CUL3: variants seen among roughly 807,000 people sequenced by gnomAD.
CUL3 encodes cullin-3.
CUL3 carries 19 observed loss-of-function variants against 89.1 expected under a neutral mutation model. The observed-to-expected ratio is 0.21, with a 90% CI of 0.15 to 0.31. The LOEUF is 0.31. Ranked by LOEUF, CUL3 falls within the 10% of genes least tolerant of loss-of-function variation. The pLI is 1.00. For synonymous variants in CUL3, 351 were observed against 308.4 expected (o/e 1.14, Z -1.45); for missense variants, 469 against 942.3 (o/e 0.50, Z 6.58).
chr2:224,541,594 T>C (rs112037898), intron 2 of CUL3, among the ~76,000 whole-genome samples: 100 of 152,264 alleles, frequency 6.6e-4, no homozygotes, highest in African/African-American at 2.4e-3. Context: ...AAAACTTACA[T>C]TCACACAAAA....
At chr2:224,567,753 C>A (rs72974238) in intron 1 of CUL3, among the ~76,000 whole-genome samples, 40,950 of 150,606 alleles carry the variant, frequency 0.27, 6,105 homozygotes, top group Middle Eastern at 0.39. Flanking sequence ...AAAAAAAAAA[C>A]CTTTCACCTA....
At position 224,576,687 on chromosome 2, in the gene CUL3, A is replaced by AG. The variant is rs55945819; in HGVS notation, c.66+8256dup. On this transcript the variant is annotated intron_variant, in intron 1 of 15. Coordinates refer to ENST00000264414, the MANE Select transcript of CUL3 (RefSeq NM_003590.5). ...TAACCTAGTTCAGGAGTGAAAAAAA[A>AG]GGGGGGGGGGGGAGGAGAAGGAGGA... Among the ~76,000 whole-genome samples, 738 of 121,698 alleles carry AG rather than the reference A, an allele frequency of 6.1e-3. 8 individuals are homozygous for AG. The highest frequency in any genetic ancestry group is 8.4e-3 in the South Asian group (31 of 3,676). 79.8% of individuals were successfully genotyped at this position (121,698 alleles called of 152,430 possible).
At chr2:224,583,538 T>TCAA in intron 1 of CUL3, among the ~76,000 whole-genome samples, 1 of 152,350 alleles carries the variant, frequency 6.6e-6, no homozygotes. Flanking sequence ...TACTCGCTTG[T>TCAA]CAACATTTCT....
intron 13 of CUL3, among the ~76,000 whole-genome samples, chr2:224,484,568 T>C (rs2106157134): frequency 1.3e-5 from 2 of 152,342 alleles, no homozygotes; most frequent in East Asian, 1.9e-4. Context: ...AGATGTGTTA[T>C]CACTTATGTG....
At chr2:224,484,004 A>G (rs1205528562) in intron 13 of CUL3, among the ~76,000 whole-genome samples, 1 of 152,198 alleles carries the variant, frequency 6.6e-6, no homozygotes, top group African/African-American at 2.4e-5. Flanking sequence ...AGCCTGGTCA[A>G]CATAGCAAGA....
intron 5 of CUL3, 83 bp downstream of exon 5, chr2:224,513,441 G>T: frequency 1.0e-6 from 1 of 990,736 alleles, no homozygotes; most frequent in Non-Finnish European, 1.5e-6. Context: ...GTTAAAAAAG[G>T]TCAAAATAGT....
At chr2:224,528,681 A>G (rs1356847325) in intron 3 of CUL3, among the ~76,000 whole-genome samples, 1 of 152,056 alleles carries the variant, frequency 6.6e-6, no homozygotes, top group African/African-American at 2.4e-5. Context: ...CTCTTCATAA[A>G]GTTATTTTTA....
intron 15 of CUL3, among the ~76,000 whole-genome samples, chr2:224,475,621 G>GT (rs1258658955): frequency 6.6e-6 from 1 of 152,124 alleles, no homozygotes; most frequent in African/African-American, 2.4e-5. Flanking sequence ...TACCACTCCT[G>GT]TATCGACAAA....
At chr2:224,584,825 G>A (rs1695540097) in intron 1 of CUL3, 119 bp downstream of exon 1, 1 of 576,296 alleles carries the variant, frequency 1.7e-6, no homozygotes, top group Non-Finnish European at 2.3e-6. Context: ...CGCGGCCGGC[G>A]GGCGTGGGGG....
chr2:224,534,997 T>C (rs1412309871), intron 3 of CUL3, among the ~76,000 whole-genome samples: 1 of 136,804 alleles, frequency 7.3e-6, no homozygotes, highest in Non-Finnish European at 1.6e-5. Flanking sequence ...CGAGACCCCG[T>C]CTCAAAATAA....
intron 15 of CUL3, among the ~76,000 whole-genome samples, chr2:224,476,696 T>C (rs887284158): frequency 1.3e-4 from 20 of 152,204 alleles, no homozygotes; most frequent in African/African-American, 4.8e-4. Context: ...TACACTACCA[T>C]CATCATACTC....
rs552925358 is a variant in CUL3, at chr2:224,585,176, GGGCGGCGGCGGCGGC to G, written c.-182_-168del. On this transcript the variant is annotated 5_prime_UTR_variant, in exon 1 of 16. Transcript: ENST00000264414. ...CCCTGGGCAGCCGCGGCGGCGGCGG[GGGCGGCGGCGGCGGC>G]GGCGGCGGCTCGGACTCTGGCGACT... The G allele has an allele frequency of 4.2e-5, 11 of 261,094 alleles. No homozygotes were observed. The highest frequency in any genetic ancestry group is 7.1e-5 in the African/African-American group (3 of 42,550). 16.2% of individuals were successfully genotyped at this position (261,094 alleles called of 1,614,324 possible).
At chr2:224,509,548 T>C (rs1178128039) in intron 6 of CUL3, among the ~76,000 whole-genome samples, 1 of 152,206 alleles carries the variant, frequency 6.6e-6, no homozygotes, top group Non-Finnish European at 1.5e-5. Context: ...TAATTTAGAA[T>C]CACAGATAGC....
At chr2:224,488,405 T>C (rs1169892056) in intron 13 of CUL3, among the ~76,000 whole-genome samples, 38 of 151,824 alleles carry the variant, frequency 2.5e-4, no homozygotes, top group Non-Finnish European at 8.8e-5. Context: ...AAGAATCAAA[T>C]AGACACAATA....
At chr2:224,478,109 T>C in intron 15 of CUL3, 91 bp downstream of exon 15, 1 of 1,340,828 alleles carries the variant, frequency 7.5e-7, no homozygotes, top group Non-Finnish European at 1.0e-6. Context: ...TTCTTAATTG[T>C]AAAATTGTTT....
At chr2:224,529,700 T>C (rs770377880) in intron 3 of CUL3, among the ~76,000 whole-genome samples, 4 of 151,888 alleles carry the variant, frequency 2.6e-5, no homozygotes, top group Non-Finnish European at 5.9e-5. Flanking sequence ...GCCAAACAGG[T>C]AATGCAAGTC....
intron 11 of CUL3, chr2:224,499,919 CTT>C (rs370559473): frequency 1.2e-3 from 190 of 154,874 alleles, no homozygotes; most frequent in South Asian, 3.6e-3. Context: ...GCATATCACT[CTT>C]GTTTTTTTTT....
At chr2:224,512,226 G>T (rs934067440) in intron 5 of CUL3, among the ~76,000 whole-genome samples, 1 of 151,928 alleles carries the variant, frequency 6.6e-6, no homozygotes, top group Non-Finnish European at 1.5e-5. Context: ...CTCCCGAGTA[G>T]CTGGGACTAC....
intron 1 of CUL3, chr2:224,563,002 A>G (rs1328956224): frequency 9.1e-6 from 2 of 219,274 alleles, no homozygotes; most frequent in African/African-American, 4.7e-5. Context: ...CAGTAGATTT[A>G]ACACAGCCCA....
Sources: allele counts gnomAD v4.1 joint callset (sites outside exome capture counted in the v4.1 genomes callset), GRCh38; gene constraint gnomAD v4.1.1; transcripts MANE v1.5; gene names NCBI Gene and HGNC (gene_info 2026-07-23, HGNC 2026-07-21).